The following LYPD6 variants were observed in gnomAD, a reference collection of about 807,000 sequenced individuals.
LYPD6 encodes ly6/PLAUR domain-containing protein 6.
LYPD6 carries 15 observed loss-of-function variants against 22.7 expected under a neutral mutation model. The ratio of observed to expected loss-of-function variants is 0.66; its 90% CI spans 0.44 to 1.02. LYPD6 has a LOEUF of 1.02. LYPD6 is among the 50% of genes least tolerant of loss of function. The pLI, the probability that LYPD6 is intolerant of heterozygous loss-of-function variation, is 0.00. For synonymous variants in LYPD6, 72 were observed against 77.5 expected (o/e 0.93, Z 0.37); for missense variants, 189 against 208.4 (o/e 0.91, Z 0.57).
chr2:149,368,597 C>T (rs1157238966), intron 1 of LYPD6, among the ~76,000 whole-genome samples: 4 of 152,082 alleles, frequency 2.6e-5, no homozygotes, highest in Non-Finnish European at 5.9e-5. Context: ...CATCAGAGTT[C>T]TTGGATGTTG....
chr2:149,335,177 TC>T (rs967954771), intron 1 of LYPD6, among the ~76,000 whole-genome samples: 16 of 152,086 alleles, frequency 1.1e-4, no homozygotes, highest in African/African-American at 3.9e-4. Flanking sequence ...CTCAGGCAGG[TC>T]CTTCAGGAGG....
At chr2:149,442,674 T>TG (rs1683594988) in intron 2 of LYPD6, among the ~76,000 whole-genome samples, 1 of 151,612 alleles carries the variant, frequency 6.6e-6, no homozygotes, top group Non-Finnish European at 1.5e-5. Flanking sequence ...CTTTATCAGA[T>TG]GCAGTATCAA....
chr2:149,395,955 C>T lies in LYPD6; in HGVS notation c.-71-41683C>T, dbSNP rs140077979. Among the ~76,000 whole-genome samples, 6 of 152,184 alleles carry T rather than the reference C, an allele frequency of 3.9e-5. No homozygotes were observed. In the East Asian group the frequency reaches 1.2e-3, roughly 29 times the overall value. The stretch of plus-strand genomic sequence containing the variant: ...GTGAAAACTGCCTTTCTGGAGTTGT[C>T]CTTGTTTGATCATTGACAATATTCA... On this transcript the variant is annotated intron_variant, in intron 1 of 4. Coordinates refer to ENST00000334166, the MANE Select transcript of LYPD6 (RefSeq NM_194317.5).
chr2:149,437,604 C>G lies in LYPD6; in HGVS notation c.-71-34C>G, dbSNP rs947107828. 3.9e-6 allele frequency: 6 copies of G among 1,552,726 alleles called. No homozygotes were observed. The African/African-American group carries it at 8.1e-5, about 21-fold the overall frequency. ...CAAGCCTCCTGTGGCTTTCTCCAGT[C>G]GATCACTGAGATGATTCTTTCTTCA... On this transcript the variant is annotated intron_variant, in intron 1 of 4. Transcript: ENST00000334166.
At position 149,449,082 on chromosome 2, in the gene LYPD6, C is replaced by T; in HGVS notation, c.152C>T (p.Thr51Ile). ...TPYPGGFKCF[T>I]CEKAADNYEC... ...TATCCTGGTGGATTTAAATGTTTCA[C>T]CTGTGAAAAGGCAGCAGACAATTAT... The change falls in exon 3 of 5, where the codon ACC becomes ATC. Residue 51 changes from threonine to isoleucine, a missense_variant. Transcript: ENST00000334166. The T allele has an allele frequency of 3.1e-6, 5 of 1,613,470 alleles. No individual in the cohort carries two copies. Among genetic ancestry groups the T allele is most frequent in the Non-Finnish European group, 4.2e-6 (5 of 1,179,704 alleles).
chr2:149,468,155 AC>A (rs1406075052), intron 3 of LYPD6, among the ~76,000 whole-genome samples: 1 of 139,272 alleles, frequency 7.2e-6, no homozygotes, highest in Non-Finnish European at 1.5e-5. Context: ...ACACACACAC[AC>A]ACACACACAC....
At chr2:149,429,240 T>G (rs1475345123) in intron 1 of LYPD6, among the ~76,000 whole-genome samples, 1 of 152,206 alleles carries the variant, frequency 6.6e-6, no homozygotes, top group African/African-American at 2.4e-5. Context: ...CCTCCCTCCT[T>G]TCTTAGAGCT....
intron 1 of LYPD6, among the ~76,000 whole-genome samples, chr2:149,405,485 T>G (rs962523508): frequency 3.9e-5 from 6 of 152,246 alleles, no homozygotes; most frequent in African/African-American, 1.2e-4. Flanking sequence ...GTCAAGGAAT[T>G]TATCCATTTC....
chr2:149,462,569 A>G (rs1475179542), intron 3 of LYPD6, among the ~76,000 whole-genome samples: 1 of 151,670 alleles, frequency 6.6e-6, no homozygotes, highest in African/African-American at 2.4e-5. Context: ...AAAGTGTTCT[A>G]CAGTTTATAT....
chr2:149,364,405 C>T (rs1357837158), intron 1 of LYPD6, among the ~76,000 whole-genome samples: 1 of 152,148 alleles, frequency 6.6e-6, no homozygotes, highest in Non-Finnish European at 1.5e-5. Context: ...AATTCATTGG[C>T]AAATTCTCAA....
At chr2:149,383,264 G>A (rs895327571) in intron 1 of LYPD6, among the ~76,000 whole-genome samples, 12 of 152,116 alleles carry the variant, frequency 7.9e-5, no homozygotes, top group Admixed American at 2.0e-4. Flanking sequence ...TAATAGGTCA[G>A]TAAAAATGTT....
intron 1 of LYPD6, among the ~76,000 whole-genome samples, chr2:149,432,082 C>A (rs1164791477): frequency 6.6e-6 from 1 of 151,944 alleles, no homozygotes; most frequent in Non-Finnish European, 1.5e-5. Context: ...ACTAGGATGG[C>A]TATAATTTTT....
chr2:149,400,498 T>G (rs1263056162), intron 1 of LYPD6, among the ~76,000 whole-genome samples: 1 of 152,220 alleles, frequency 6.6e-6, no homozygotes, highest in East Asian at 1.9e-4. Flanking sequence ...GAACAAGTAT[T>G]GTTTAAACGA....
intron 3 of LYPD6, among the ~76,000 whole-genome samples, chr2:149,460,041 C>T (rs899538082): frequency 4.6e-5 from 7 of 151,804 alleles, no homozygotes; most frequent in East Asian, 1.9e-4. Context: ...TAATACCTAG[C>T]GCAACAATTT....
downstream of LYPD6, among the ~76,000 whole-genome samples, chr2:149,478,182 GACAGTGGGACAGCAAGGGCTTCTCTTCAT>G (rs1260230535): frequency 2.0e-5 from 3 of 152,082 alleles, no homozygotes; most frequent in Non-Finnish European, 2.9e-5. Flanking sequence ...TAATTTTAAA[GACAGTGGGACAGCAAGGGCTTCTCTTCAT>G]ACTCATCTCA....
Position 149,437,787 on chromosome 2 carries a change from G to C in LYPD6, c.79G>C (p.Asp27His), listed in dbSNP as rs748404025. The C allele has an allele frequency of 1.2e-6, 2 of 1,614,114 alleles. No homozygotes were observed. The highest frequency in any genetic ancestry group is 1.7e-6 in the Non-Finnish European group (2 of 1,180,024). Residue 27 changes from aspartate to histidine, a missense_variant, in exon 2 of 5, where the codon GAC becomes CAC. By Grantham distance (81) the Asp-to-His change is moderately conservative. Transcript: ENST00000334166. Reference protein sequence around the residue: ...ADCLKAAQSRDFTVKDIIYLH... With the variant: ...ADCLKAAQSRHFTVKDIIYLH... ...TTGTCTGAAAGCTGCTCAGTCCCGA[G>C]ACTTCACAGTGAAAGACATTATCTA...
At chr2:149,450,301 A>G (rs1177523810) in intron 3 of LYPD6, among the ~76,000 whole-genome samples, 1 of 152,126 alleles carries the variant, frequency 6.6e-6, no homozygotes, top group Admixed American at 6.5e-5. Flanking sequence ...AGGGCCTGAG[A>G]ATTTGCATTT....
rs1196660 is a variant in LYPD6, at chr2:149,468,902, A to T, written c.348+127A>T. 17 of 953,566 alleles carry T rather than the reference A, an allele frequency of 1.8e-5. No individual in the cohort carries two copies. In the East Asian group the frequency reaches 4.2e-4, roughly 23 times the overall value. 59.1% of individuals were successfully genotyped at this position (953,566 alleles called of 1,614,324 possible). ...TGTCTTTTGATTGTCTTTATGCTCT[A>T]TGAAAAGACGCTTCCTTTCCTGTTT... On this transcript the variant is annotated intron_variant, in intron 4 of 4. Transcript: ENST00000334166.
intron 1 of LYPD6, among the ~76,000 whole-genome samples, chr2:149,350,260 A>G (rs989681299): frequency 1.3e-5 from 2 of 152,214 alleles, no homozygotes; most frequent in Non-Finnish European, 2.9e-5. Context: ...TATTCTGTCA[A>G]AGGTTTTCAT....
Sources: gnomAD v4.1 joint callset for allele counts (sites outside exome capture counted in the v4.1 genomes callset) on GRCh38, gnomAD v4.1.1 for gene constraint, MANE v1.5 for transcripts, NCBI Gene and HGNC (gene_info 2026-07-23, HGNC 2026-07-21) for gene names.